The following FAM135A variants were observed in gnomAD, a reference collection of about 807,000 sequenced individuals.
FAM135A encodes the protein protein FAM135A.
Under a neutral mutation model 146.8 loss-of-function variants are expected in FAM135A, and 79 were observed. That is an observed-to-expected ratio of 0.54 (90% CI 0.45 to 0.65). The LOEUF is 0.65. FAM135A is among the 30% of genes least tolerant of loss of function. The pLI, the probability that FAM135A is intolerant of heterozygous loss-of-function variation, is 0.00. For missense variants in FAM135A, 1,623 were observed against 1,758.2 expected (o/e 0.92, Z 1.38); for synonymous variants, 562 against 603.6 (o/e 0.93, Z 1.01).
chr6:70,454,204 C>G (rs917867499), intron 5 of FAM135A, among the ~76,000 whole-genome samples: 1 of 152,146 alleles, frequency 6.6e-6, no homozygotes, highest in Non-Finnish European at 1.5e-5. Flanking sequence ...TAAATGTCTT[C>G]TTTTGAAAAG....
rs552011121 is a variant in FAM135A, at chr6:70,430,925, G to A, written c.77+2506G>A. Among the ~76,000 whole-genome samples the A allele has an allele frequency of 8.5e-5, 13 of 152,196 alleles. No homozygotes were observed. The East Asian group carries it at 9.7e-4, about 11-fold the overall frequency. On this transcript the variant is annotated intron_variant, in intron 4 of 21. Transcript: ENST00000418814. Reference sequence around the variant, plus strand: ...ACTTAGCTAGGAGCAACCAGTTGGCGTTTTTGGTATTCTGCTTGGAAATTA... The same window carrying A: ...ACTTAGCTAGGAGCAACCAGTTGGCATTTTTGGTATTCTGCTTGGAAATTA...
intron 2 of FAM135A, among the ~76,000 whole-genome samples, chr6:70,419,787 T>C (rs1407996362): frequency 6.6e-6 from 1 of 152,214 alleles, no homozygotes; most frequent in Non-Finnish European, 1.5e-5. Flanking sequence ...TTACATTGAA[T>C]GAACATTTCA....
Position 70,432,789 on chromosome 6 carries a change from G to A in FAM135A, c.77+4370G>A, listed in dbSNP as rs762412704. ...TTTTTTTAATATAAAGGAAGACATC[G>A]ACTTTTTTTTCCTTATAATTCTCTT... On this transcript the variant is annotated intron_variant, in intron 4 of 21. Transcript: ENST00000418814. Among the ~76,000 whole-genome samples, 4 of 150,674 alleles carry A rather than the reference G, an allele frequency of 2.7e-5. No individual in the cohort carries two copies. The East Asian group carries it at 7.8e-4, about 29-fold the overall frequency.
At chr6:70,482,495 A>G (rs535702488) in intron 10 of FAM135A, among the ~76,000 whole-genome samples, 2 of 152,306 alleles carry the variant, frequency 1.3e-5, no homozygotes, top group East Asian at 1.9e-4. Context: ...TTAAAGCCAT[A>G]CTTCCAAATA....
At chr6:70,522,209 G>A (rs553233468) in intron 12 of FAM135A, among the ~76,000 whole-genome samples, 9 of 152,290 alleles carry the variant, frequency 5.9e-5, no homozygotes, top group South Asian at 2.1e-4. Flanking sequence ...GAGGCACCAC[G>A]CCTGGCCCAT....
At chr6:70,452,026 T>C (rs1777206978) in intron 4 of FAM135A, among the ~76,000 whole-genome samples, 1 of 151,744 alleles carries the variant, frequency 6.6e-6, no homozygotes, top group Non-Finnish European at 1.5e-5. Flanking sequence ...AGCTCTGACC[T>C]TGAAAAAAAA....
At chr6:70,445,852 G>T (rs187040365) in intron 4 of FAM135A, among the ~76,000 whole-genome samples, 18 of 152,194 alleles carry the variant, frequency 1.2e-4, no homozygotes, top group Non-Finnish European at 2.1e-4. Flanking sequence ...TTCGGGGCGG[G>T]GGGGGCTGTT....
chr6:70,498,466 T>G (rs1787808348), intron 11 of FAM135A, among the ~76,000 whole-genome samples: 1 of 152,212 alleles, frequency 6.6e-6, no homozygotes, highest in African/African-American at 2.4e-5. Flanking sequence ...TTTTCGTGTC[T>G]CTATCTCCTT....
At chr6:70,512,212 T>C (rs1447685624) in intron 12 of FAM135A, among the ~76,000 whole-genome samples, 2 of 151,882 alleles carry the variant, frequency 1.3e-5, no homozygotes, top group African/African-American at 4.8e-5. Flanking sequence ...TAGCCCATGT[T>C]GTATATATTT....
intron 19 of FAM135A, among the ~76,000 whole-genome samples, chr6:70,537,050 C>T (rs963485387): frequency 3.3e-5 from 5 of 151,646 alleles, no homozygotes; most frequent in African/African-American, 7.3e-5. Flanking sequence ...ATTCTCCTGC[C>T]TCAGCCTCCG....
intron 7 of FAM135A, among the ~76,000 whole-genome samples, chr6:70,476,747 A>G (rs1258654198): frequency 6.6e-6 from 1 of 152,150 alleles, no homozygotes; most frequent in Non-Finnish European, 1.5e-5. Context: ...GTAGCACTTA[A>G]TAAAATTTTG....
chr6:70,489,585 C>T (rs1308128052), intron 10 of FAM135A, among the ~76,000 whole-genome samples: 1 of 152,102 alleles, frequency 6.6e-6, no homozygotes, highest in Non-Finnish European at 1.5e-5. Context: ...CAGTAGTATA[C>T]TCTGAAAGAT....
intron 20 of FAM135A, among the ~76,000 whole-genome samples, chr6:70,541,125 G>T (rs1186780913): frequency 6.6e-6 from 1 of 152,136 alleles, no homozygotes; most frequent in South Asian, 2.1e-4. Context: ...CTTCTCATCA[G>T]TATCTTTAAA....
At position 70,502,661 on chromosome 6, in the gene FAM135A, C is replaced by T; in HGVS notation, c.899C>T (p.Ala300Val). 3.1e-6 allele frequency: 5 copies of T among 1,610,514 alleles called. No individual in the cohort carries two copies. Among genetic ancestry groups the T allele is most frequent in the Non-Finnish European group, 4.2e-6 (5 of 1,178,468 alleles). Reference protein sequence around the residue: ...VKKIENPDELAELINMNLAQL... With the variant: ...VKKIENPDELVELINMNLAQL... ...AAAATAGAGAATCCTGATGAACTGGCAGAACTTATAAATATGAATCTTGCG... is the reference window on the plus strand; with the variant it reads ...AAAATAGAGAATCCTGATGAACTGGTAGAACTTATAAATATGAATCTTGCG... The change falls in exon 12 of 22, where the codon GCA (alanine) becomes GTA (valine). Residue 300 changes from alanine to valine, a missense_variant. Ala to Val is a moderately conservative substitution (Grantham distance 64). Coordinates refer to ENST00000418814, the MANE Select transcript of FAM135A (RefSeq NM_001162529.3).
At chr6:70,522,695 T>A in intron 13 of FAM135A, 109 bp downstream of exon 13, 2 of 805,394 alleles carry the variant, frequency 2.5e-6, no homozygotes, top group Non-Finnish European at 3.8e-6. Flanking sequence ...TATAAGAAAT[T>A]AGGAGAATTT....
chr6:70,461,146 A>G (rs1269175401), intron 5 of FAM135A, among the ~76,000 whole-genome samples: 1 of 152,136 alleles, frequency 6.6e-6, no homozygotes, highest in Non-Finnish European at 1.5e-5. Context: ...ATCTTAATGT[A>G]GTTTAGAAAC....
intron 4 of FAM135A, among the ~76,000 whole-genome samples, chr6:70,450,015 T>C (rs1776681632): frequency 6.6e-6 from 1 of 152,220 alleles, no homozygotes; most frequent in African/African-American, 2.4e-5. Context: ...AATGGAGATG[T>C]TGAGCATTTT....
Position 70,419,054 on chromosome 6 carries a change from G to A in FAM135A, c.-134+3678G>A, listed in dbSNP as rs566720894. On this transcript the variant is annotated intron_variant, in intron 2 of 21. Transcript: ENST00000418814. Reference sequence around the variant, plus strand: ...ACTCATTTTCCTACTCCGCTGGGTCGGCTACAGAACATGACTGTTACAATA... The same window carrying A: ...ACTCATTTTCCTACTCCGCTGGGTCAGCTACAGAACATGACTGTTACAATA... Among the ~76,000 whole-genome samples the A allele has an allele frequency of 2.3e-4, 35 of 152,302 alleles. No individual in the cohort carries two copies. The East Asian group carries it at 2.5e-3, about 11-fold the overall frequency.
At chr6:70,545,780 A>G (rs1798749752) in intron 20 of FAM135A, among the ~76,000 whole-genome samples, 1 of 152,220 alleles carries the variant, frequency 6.6e-6, no homozygotes, top group African/African-American at 2.4e-5. Context: ...GGGTAGGAAT[A>G]TTGTCCCCAC....
Sources: gnomAD v4.1 joint callset for allele counts (sites outside exome capture counted in the v4.1 genomes callset) on GRCh38, gnomAD v4.1.1 for gene constraint, MANE v1.5 for transcripts, NCBI Gene and HGNC (gene_info 2026-07-23, HGNC 2026-07-21) for gene names.